Variants in ADCY2 observed in about 807,000 individuals in gnomAD.
ADCY2 encodes the protein adenylate cyclase type 2.
Under a neutral mutation model 125.2 loss-of-function variants are expected in ADCY2, and 31 were observed. That is an observed-to-expected ratio of 0.25 (90% CI 0.19 to 0.33). ADCY2 has a LOEUF of 0.33. Ranked by LOEUF, ADCY2 falls within the 10% of genes least tolerant of loss-of-function variation. The pLI, the probability that ADCY2 is intolerant of heterozygous loss-of-function variation, is 1.00. For missense variants in ADCY2, 904 were observed against 1,418.2 expected, an observed-to-expected ratio of 0.64 and a Z score of 5.82; for synonymous variants, 512 against 548.4, an observed-to-expected ratio of 0.93 and a Z score of 0.93.
At chr5:7,606,518 C>A (rs1422466161) in intron 3 of ADCY2, among the ~76,000 whole-genome samples, 3 of 152,136 alleles carry the variant, frequency 2.0e-5, no homozygotes, top group Non-Finnish European at 2.9e-5. Flanking sequence ...ACATTTAAAT[C>A]TAAATTTGGT....
intron 2 of ADCY2, among the ~76,000 whole-genome samples, chr5:7,447,394 G>T (rs1741306004): frequency 6.6e-6 from 1 of 152,194 alleles, no homozygotes; most frequent in Admixed American, 6.5e-5. Context: ...CATCCTGGCA[G>T]TGGGAAAGCA....
intron 16 of ADCY2, among the ~76,000 whole-genome samples, chr5:7,763,125 G>T (rs552678707): frequency 6.6e-6 from 1 of 151,098 alleles, no homozygotes; most frequent in South Asian, 2.1e-4. Context: ...ACGGAGTCTC[G>T]TTCTGTCGCC....
chr5:7,433,212 T>A (rs537478989), intron 2 of ADCY2, among the ~76,000 whole-genome samples: 1 of 152,350 alleles, frequency 6.6e-6, no homozygotes, highest in African/African-American at 2.4e-5. Flanking sequence ...TTGCCTTTAT[T>A]GTGAAGTAGA....
chr5:7,654,092 G>A (rs186614925), intron 4 of ADCY2: 2 of 456,086 alleles, frequency 4.4e-6, no homozygotes, highest in Non-Finnish European at 8.8e-6. Context: ...CCTGAGGCTG[G>A]GCGCAGTCAC....
chr5:7,512,932 T>TCAGAC (rs1744120564), intron 2 of ADCY2, among the ~76,000 whole-genome samples: 1 of 152,072 alleles, frequency 6.6e-6, no homozygotes. Flanking sequence ...TGAGGAGATG[T>TCAGAC]CAGACTGGAG....
chr5:7,655,460 C>A (rs1260279215), intron 4 of ADCY2, among the ~76,000 whole-genome samples: 2 of 152,196 alleles, frequency 1.3e-5, no homozygotes, highest in Non-Finnish European at 2.9e-5. Flanking sequence ...TGTAAAATCC[C>A]AGCTCACGAG....
chr5:7,462,322 A>G (rs1741944602), intron 2 of ADCY2, among the ~76,000 whole-genome samples: 1 of 152,214 alleles, frequency 6.6e-6, no homozygotes, highest in Admixed American at 6.5e-5. Flanking sequence ...ATACTGGCAG[A>G]TGAAAGTAAT....
At chr5:7,644,509 C>A (rs563242701) in intron 4 of ADCY2, among the ~76,000 whole-genome samples, 12 of 152,252 alleles carry the variant, frequency 7.9e-5, no homozygotes, top group Admixed American at 7.9e-4. Context: ...GCCCATCATA[C>A]ATTTTTAGTC....
At chr5:7,435,405 G>C (rs1294528522) in intron 2 of ADCY2, among the ~76,000 whole-genome samples, 1 of 152,168 alleles carries the variant, frequency 6.6e-6, no homozygotes, top group Non-Finnish European at 1.5e-5. Flanking sequence ...GCCAGTGGGA[G>C]AACCTATCCT....
At chr5:7,582,025 T>C (rs1457891670) in intron 3 of ADCY2, among the ~76,000 whole-genome samples, 1 of 152,116 alleles carries the variant, frequency 6.6e-6, no homozygotes, top group Non-Finnish European at 1.5e-5. Flanking sequence ...TTATATGTTG[T>C]TTGCATGAGA....
chr5:7,720,523 A>G (rs1741723959), intron 12 of ADCY2, among the ~76,000 whole-genome samples: 1 of 151,964 alleles, frequency 6.6e-6, no homozygotes, highest in Non-Finnish European at 1.5e-5. Flanking sequence ...CATTAGGTAT[A>G]TCTCCTAATG....
intron 2 of ADCY2, among the ~76,000 whole-genome samples, chr5:7,455,984 A>T (rs2126429147): frequency 6.6e-6 from 1 of 150,738 alleles, no homozygotes; most frequent in Non-Finnish European, 1.5e-5. Context: ...TTAAATTTTA[A>T]AATTGTAAAT....
At chr5:7,501,652 C>CCT (rs1554014559) in intron 2 of ADCY2, among the ~76,000 whole-genome samples, 5 of 103,816 alleles carry the variant, frequency 4.8e-5, no homozygotes, top group Non-Finnish European at 1.1e-4. Context: ...CCCCTCCCCC[C>CCT]CCCCCCGCCA....
intron 16 of ADCY2, 130 bp downstream of exon 16, chr5:7,757,716 T>C: frequency 2.2e-6 from 3 of 1,343,224 alleles, no homozygotes; most frequent in African/African-American, 1.5e-5. Flanking sequence ...TTCAACATGC[T>C]CAGCCCCGGG....
chr5:7,412,483 C>T (rs1342691034), intron 1 of ADCY2, among the ~76,000 whole-genome samples: 1 of 152,130 alleles, frequency 6.6e-6, no homozygotes, highest in Non-Finnish European at 1.5e-5. Context: ...CCCACGTGTC[C>T]GTTTGTTCGT....
intron 2 of ADCY2, among the ~76,000 whole-genome samples, chr5:7,498,239 GTTTTTTTTTTTTTT>G (rs910360437): frequency 4.8e-5 from 3 of 62,114 alleles, no homozygotes; most frequent in East Asian, 5.2e-4. Flanking sequence ...TTCTTTTTTC[GTTTTTTTTTTTTTT>G]TTTTTTTTTT....
In ADCY2 at chr5:7,530,923, A is replaced by G. The variant is rs573640714; in HGVS notation, c.570+10024A>G. Among the ~76,000 whole-genome samples the G allele has an allele frequency of 4.2e-4, 64 of 152,184 alleles. 3 individuals carry two copies. In the Middle Eastern group the frequency reaches 0.014, roughly 32 times the overall value. On this transcript the variant is annotated intron_variant, in intron 3 of 24. Coordinates refer to ENST00000338316, the MANE Select transcript of ADCY2 (RefSeq NM_020546.3). ...AACCCTCAGGACCTGGTTCACAGGA[A>G]TGGCTTCTCAGGTCGCAAGGAGCTC...
chr5:7,696,118 A>G (rs1740883881), intron 6 of ADCY2, among the ~76,000 whole-genome samples: 1 of 152,212 alleles, frequency 6.6e-6, no homozygotes, highest in Non-Finnish European at 1.5e-5. Flanking sequence ...TTCAGCACAC[A>G]TATAATAAAT....
chr5:7,400,664 T>C (rs1433891578), intron 1 of ADCY2, among the ~76,000 whole-genome samples: 1 of 152,224 alleles, frequency 6.6e-6, no homozygotes, highest in Non-Finnish European at 1.5e-5. Context: ...TGTGCATGCT[T>C]TCTCTAGTTT....
Sources: allele counts gnomAD v4.1 joint callset (sites outside exome capture counted in the v4.1 genomes callset), GRCh38; gene constraint gnomAD v4.1.1; transcripts MANE v1.5; gene names NCBI Gene and HGNC (gene_info 2026-07-23, HGNC 2026-07-21).